SV2C: variants seen among roughly 807,000 people sequenced by gnomAD.
The protein encoded by SV2C is solute carrier family 22 member B3.
In SV2C, 49 loss-of-function variants were observed where a neutral mutation model predicts 79.7. That is an observed-to-expected ratio of 0.61 (90% CI 0.49 to 0.78). The LOEUF is 0.78. Ranked by LOEUF, SV2C falls within the 30% of genes least tolerant of loss-of-function variation. The pLI is 0.00. For missense variants in SV2C, 833 were observed against 912.9 expected, an observed-to-expected ratio of 0.91 and a Z score of 1.13; for synonymous variants, 334 against 333.2, an observed-to-expected ratio of 1.00 and a Z score of -0.03.
intron 4 of SV2C, among the ~76,000 whole-genome samples, chr5:76,221,687 G>A (rs1745070254): frequency 6.6e-6 from 1 of 152,116 alleles, no homozygotes; most frequent in South Asian, 2.1e-4. Flanking sequence ...CCTCAAGCCA[G>A]TGTGACTCCT....
chr5:75,971,502 A>T, the SV2C span, among the ~76,000 whole-genome samples: 1 of 152,092 alleles, frequency 6.6e-6, no homozygotes, highest in African/African-American at 2.4e-5. Flanking sequence ...TCAATGTGCA[A>T]AAATCACAAG....
intron 1 of SV2C, among the ~76,000 whole-genome samples, chr5:76,098,496 C>T (rs1487568331): frequency 3.3e-5 from 5 of 152,310 alleles, no homozygotes; most frequent in African/African-American, 7.2e-5. Flanking sequence ...ACTCTATCTG[C>T]GGCATGCAGA....
chr5:76,290,907 G>A (rs1458701721), intron 6 of SV2C, among the ~76,000 whole-genome samples: 2 of 152,206 alleles, frequency 1.3e-5, no homozygotes, highest in Admixed American at 6.5e-5. Context: ...TTATCTGGAT[G>A]TTTTGTCTGC....
intron 4 of SV2C, among the ~76,000 whole-genome samples, chr5:76,218,620 G>A (rs1455179349): frequency 6.6e-6 from 1 of 152,182 alleles, no homozygotes; most frequent in Non-Finnish European, 1.5e-5. Flanking sequence ...GGGAGGCAAG[G>A]GGAGGGAGAG....
chr5:75,962,151 TG>T, the SV2C span, among the ~76,000 whole-genome samples: 10 of 151,780 alleles, frequency 6.6e-5, no homozygotes, highest in Non-Finnish European at 1.2e-4. Flanking sequence ...GTCATGAGAG[TG>T]GGTATTTAGG....
At chr5:75,964,720 C>G in the SV2C span, among the ~76,000 whole-genome samples, 1 of 152,190 alleles carries the variant, frequency 6.6e-6, no homozygotes, top group Non-Finnish European at 1.5e-5. Flanking sequence ...AAAAATTTGT[C>G]AAAATCTCTA....
At chr5:76,039,335 A>G in the SV2C span, among the ~76,000 whole-genome samples, 1 of 152,332 alleles carries the variant, frequency 6.6e-6, no homozygotes, top group South Asian at 2.1e-4. Flanking sequence ...GTGACCAAGT[A>G]GGAAAACTAG....
At chr5:75,923,014 C>T in the SV2C span, among the ~76,000 whole-genome samples, 1 of 152,086 alleles carries the variant, frequency 6.6e-6, no homozygotes, top group South Asian at 2.1e-4. Context: ...AAGTAACTTG[C>T]CCGTGGTCAC....
chr5:76,085,107 C>T (rs1747139165), intron 1 of SV2C, among the ~76,000 whole-genome samples: 1 of 152,200 alleles, frequency 6.6e-6, no homozygotes, highest in African/African-American at 2.4e-5. Context: ...ATCCTTAATT[C>T]TGAAGAATGT....
the SV2C span, among the ~76,000 whole-genome samples, chr5:76,040,593 C>A: frequency 3.3e-5 from 5 of 152,050 alleles, no homozygotes; most frequent in Admixed American, 2.0e-4. Flanking sequence ...ACAGAGGAAG[C>A]AAAAATGGAG....
the SV2C span, among the ~76,000 whole-genome samples, chr5:76,077,793 T>A: frequency 6.6e-6 from 1 of 152,076 alleles, no homozygotes; most frequent in East Asian, 1.9e-4. Context: ...AGGGATAGGG[T>A]CCATGTGGAT....
the SV2C span, among the ~76,000 whole-genome samples, chr5:75,860,780 C>G: frequency 5.1e-4 from 78 of 152,218 alleles, no homozygotes; most frequent in East Asian, 0.014. Flanking sequence ...GAAATAAAAC[C>G]ACACACCTAC....
At chr5:76,184,634 G>T (rs879682156) in intron 2 of SV2C, among the ~76,000 whole-genome samples, 3 of 152,158 alleles carry the variant, frequency 2.0e-5, no homozygotes, top group African/African-American at 4.8e-5. Flanking sequence ...AGCGAAGGGG[G>T]GAAGCCCCTT....
chr5:76,241,060 G>A (rs1198273223), intron 4 of SV2C, among the ~76,000 whole-genome samples: 1 of 151,938 alleles, frequency 6.6e-6, no homozygotes. Context: ...AGGTTCAAGC[G>A]ATTCTCCTGC....
At chr5:76,222,819 A>G (rs918633480) in intron 4 of SV2C, among the ~76,000 whole-genome samples, 12 of 152,068 alleles carry the variant, frequency 7.9e-5, no homozygotes, top group Admixed American at 1.3e-4. Context: ...TTTTGGGGGG[A>G]AAAACAACAG....
chr5:75,887,145 T>C, the SV2C span, among the ~76,000 whole-genome samples: 1 of 152,156 alleles, frequency 6.6e-6, no homozygotes, highest in African/African-American at 2.4e-5. Context: ...TATGTATACA[T>C]TGTGAAATGG....
At chr5:75,876,295 A>T in the SV2C span, among the ~76,000 whole-genome samples, 1 of 152,184 alleles carries the variant, frequency 6.6e-6, no homozygotes, top group Non-Finnish European at 1.5e-5. Flanking sequence ...GGAGGCTATT[A>T]TCCTTAGCAA....
intron 1 of SV2C, among the ~76,000 whole-genome samples, chr5:76,124,215 C>G (rs1648256550): frequency 6.6e-6 from 1 of 152,164 alleles, no homozygotes. Context: ...CTCCATCACT[C>G]TGTTCATCTT....
chr5:76,203,509 A>G (rs1222518927), intron 3 of SV2C, among the ~76,000 whole-genome samples: 1 of 152,124 alleles, frequency 6.6e-6, no homozygotes, highest in Admixed American at 6.6e-5. Flanking sequence ...CTCTATCAAT[A>G]GCTAATTTTT....
Sources: allele counts gnomAD v4.1 joint callset (sites outside exome capture counted in the v4.1 genomes callset), GRCh38; gene constraint gnomAD v4.1.1; transcripts MANE v1.5; gene names NCBI Gene and HGNC (gene_info 2026-07-23, HGNC 2026-07-21).